MSN: variants seen among roughly 807,000 people sequenced by gnomAD.
The protein encoded by MSN is epididymis luminal protein 70.
A neutral mutation model predicts 48.0 loss-of-function variants in MSN; 2 were observed. The observed-to-expected ratio is 0.04, with a 90% CI of 0.02 to 0.13. The LOEUF (loss-of-function observed/expected upper bound fraction) is 0.13, where lower values mean the gene tolerates loss of function less well. MSN is among the 10% of genes least tolerant of loss of function. The pLI, the probability that MSN is intolerant of heterozygous loss-of-function variation, is 1.00. For missense variants in MSN, 267 were observed against 470.1 expected, an observed-to-expected ratio of 0.57 and a Z score of 3.99; for synonymous variants, 146 against 166.9, an observed-to-expected ratio of 0.87 and a Z score of 0.97.
At chrX:65,636,153 T>C (rs2070597569) in intron 1 of MSN, among the ~76,000 whole-genome samples, 2 of 111,583 alleles carry the variant, frequency 1.8e-5, no homozygotes, top group Non-Finnish European at 3.8e-5. Flanking sequence ...GATAAACCTA[T>C]CATATTTTCG....
intron 1 of MSN, among the ~76,000 whole-genome samples, chrX:65,619,816 GT>G (rs1204137284): frequency 6.4e-5 from 7 of 108,652 alleles, no homozygotes; most frequent in African/African-American, 2.5e-4. Context: ...CTTCTGTTCC[GT>G]TTTTTCCCCA....
chrX:65,594,409 A>T (rs1273864492), intron 1 of MSN, among the ~76,000 whole-genome samples: 3 of 109,732 alleles, frequency 2.7e-5, no homozygotes, highest in Non-Finnish European at 5.7e-5. Flanking sequence ...TGGTAGTGGC[A>T]TGAGGGGATG....
chrX:65,613,207 A>G (rs1165627053), intron 1 of MSN, among the ~76,000 whole-genome samples: 1 of 113,294 alleles, frequency 8.8e-6, no homozygotes, highest in African/African-American at 3.2e-5. Flanking sequence ...ACATGAACTC[A>G]TTCTTTTTTA....
At chrX:65,727,736 T>A in intron 2 of MSN, 78 bp from the exon 3 acceptor site, 1 of 868,754 alleles carries the variant, frequency 1.2e-6, no homozygotes, top group Non-Finnish European at 1.7e-6. Flanking sequence ...TAATATTGAC[T>A]TCAAACTTTG....
intron 1 of MSN, among the ~76,000 whole-genome samples, chrX:65,619,399 G>T (rs1425443305): frequency 2.0e-5 from 2 of 97,965 alleles, no homozygotes; most frequent in African/African-American, 1.1e-4. Flanking sequence ...TGGAGGCTTT[G>T]TTCATTTCTT....
intron 1 of MSN, among the ~76,000 whole-genome samples, chrX:65,605,955 A>G (rs1180948864): frequency 1.8e-5 from 2 of 110,493 alleles, no homozygotes; most frequent in African/African-American, 6.6e-5. Flanking sequence ...TAATCAATCA[A>G]TTTTTGAGAC....
intron 1 of MSN, among the ~76,000 whole-genome samples, chrX:65,709,176 T>C (rs2071391754): frequency 9.0e-6 from 1 of 111,410 alleles, no homozygotes; most frequent in Non-Finnish European, 1.9e-5. Context: ...AATAAATGGC[T>C]AGTAGTGGGA....
chrX:65,669,909 A>G (rs774400322), intron 1 of MSN, among the ~76,000 whole-genome samples: 1 of 111,413 alleles, frequency 9.0e-6, no homozygotes, highest in South Asian at 3.8e-4. Context: ...GCACATGGTG[A>G]CTGAGCCAAG....
chrX:65,731,608 T>C (rs1269235373), intron 5 of MSN, among the ~76,000 whole-genome samples: 3 of 110,305 alleles, frequency 2.7e-5, no homozygotes, highest in Non-Finnish European at 3.8e-5. Context: ...CCAGCAAGGG[T>C]CAGCCCATCT....
intron 1 of MSN, among the ~76,000 whole-genome samples, chrX:65,600,107 A>T (rs1448792025): frequency 9.0e-6 from 1 of 110,896 alleles, no homozygotes; most frequent in African/African-American, 3.3e-5. Flanking sequence ...AAAACATAGG[A>T]TCTGAATTTG....
At chrX:65,637,302 C>T (rs1226566140) in intron 1 of MSN, among the ~76,000 whole-genome samples, 6 of 103,594 alleles carry the variant, frequency 5.8e-5, no homozygotes, top group South Asian at 4.4e-4. Flanking sequence ...CTCGGGAGGC[C>T]GAGGCAGGAG....
At chrX:65,588,738 G>C (rs1602699190) in intron 1 of MSN, 1 of 473,481 alleles carries the variant, frequency 2.1e-6, no homozygotes, top group Admixed American at 8.5e-5. Context: ...TCAGGGGGTA[G>C]GGGACACTGA....
intron 1 of MSN, among the ~76,000 whole-genome samples, chrX:65,657,073 T>C (rs1332107365): frequency 1.8e-5 from 2 of 109,582 alleles, no homozygotes; most frequent in African/African-American, 6.7e-5. Flanking sequence ...GAGGCCAGAG[T>C]CGGGGAGGGC....
intron 1 of MSN, among the ~76,000 whole-genome samples, chrX:65,670,941 T>C (rs1262927598): frequency 1.5e-5 from 1 of 64,582 alleles, no homozygotes; most frequent in African/African-American, 5.7e-5. Flanking sequence ...TATATATATA[T>C]ATATATATAT....
chrX:65,725,421 T>A (rs1288837500), intron 2 of MSN, among the ~76,000 whole-genome samples: 1 of 110,856 alleles, frequency 9.0e-6, no homozygotes, highest in Non-Finnish European at 1.9e-5. Context: ...TCTCTTTTTT[T>A]TTCTCTCTCT....
At chrX:65,602,005 A>T (rs1046099255) in intron 1 of MSN, among the ~76,000 whole-genome samples, 2 of 111,644 alleles carry the variant, frequency 1.8e-5, no homozygotes, top group African/African-American at 6.5e-5. Context: ...GGGAAGCAAG[A>T]CAGTTAGGGC....
At position 65,699,748 on chromosome X, in the gene MSN, CAAAAAAAAAAAAA is replaced by C. The variant is rs34875923; in HGVS notation, c.13-17060_13-17048del. Reference sequence around the variant, plus strand: ...TGGGCAACAGAGCGAGAATCTGTTTCAAAAAAAAAAAAAAAAAAAAAAGACAAATGATAATAGG... The same window carrying C: ...TGGGCAACAGAGCGAGAATCTGTTTCAAAAAAAAAGACAAATGATAATAGG... On this transcript the variant is annotated intron_variant, in intron 1 of 12. Transcript: ENST00000360270. Among the ~76,000 whole-genome samples, 234 of 43,042 alleles carry C rather than the reference CAAAAAAAAAAAAA, an allele frequency of 5.4e-3. 2 individuals carry two copies. The highest frequency in any genetic ancestry group is 0.016 in the African/African-American group (217 of 13,251). 37.4% of individuals were successfully genotyped at this position (43,042 alleles called of 115,157 possible).
intron 1 of MSN, among the ~76,000 whole-genome samples, chrX:65,711,614 G>A (rs768471853): frequency 8.9e-6 from 1 of 112,015 alleles, no homozygotes; most frequent in South Asian, 3.7e-4. Flanking sequence ...CCTAGTGCTC[G>A]GTAATTACTT....
At chrX:65,637,022 G>A (rs771341252) in intron 1 of MSN, among the ~76,000 whole-genome samples, 126 of 107,646 alleles carry the variant, frequency 1.2e-3, no homozygotes, top group Admixed American at 3.4e-3. Flanking sequence ...ACCAGGAGGC[G>A]GAGCTTGCAG....
Sources: gnomAD v4.1 joint callset for allele counts (sites outside exome capture counted in the v4.1 genomes callset) on GRCh38, gnomAD v4.1.1 for gene constraint, MANE v1.5 for transcripts, NCBI Gene and HGNC (gene_info 2026-07-23, HGNC 2026-07-21) for gene names.